The following HIF1AN variants were observed in gnomAD, a reference collection of about 807,000 sequenced individuals.
HIF1AN encodes hypoxia inducible factor 1 subunit alpha inhibitor.
A neutral mutation model predicts 47.7 loss-of-function variants in HIF1AN; 21 were observed. The observed-to-expected ratio is 0.44, with a 90% CI of 0.31 to 0.63. The LOEUF is 0.63. Among genes scored for constraint, HIF1AN ranks in the 30% least tolerant of loss-of-function variants. The probability of loss-of-function intolerance (pLI) is 0.07; values close to 1 mark genes in which losing one functional copy is unlikely to be tolerated. For missense variants in HIF1AN, 320 were observed against 432.7 expected (o/e 0.74, Z 2.31); for synonymous variants, 152 against 155.9 (o/e 0.98, Z 0.18).
chr10:100,545,747 G>T (rs1214570190), intron 4 of HIF1AN, among the ~76,000 whole-genome samples, 196 bp from the exon 5 acceptor site: 1 of 152,136 alleles, frequency 6.6e-6, no homozygotes, highest in African/African-American at 2.4e-5. Flanking sequence ...TTCAAATGTG[G>T]ACTGTCTTAT....
In HIF1AN at chr10:100,536,022, G is replaced by T. The variant is rs974639762; in HGVS notation, c.64G>T (p.Ala22Ser). 1 of 1,592,082 alleles carries T rather than the reference G, an allele frequency of 6.3e-7. No homozygotes were observed. Among genetic ancestry groups the T allele is most frequent in the Non-Finnish European group, 8.5e-7 (1 of 1,170,192 alleles). ...TGGAGAGCCCCGGGAGGAGGCTGGAGCCCTCGGCCCCGCCTGGGATGAATC... is the reference window on the plus strand; with the variant it reads ...TGGAGAGCCCCGGGAGGAGGCTGGATCCCTCGGCCCCGCCTGGGATGAATC... ...GSGEPREEAG[A>S]LGPAWDESQL... is the part of the protein sequence containing the mutation. Residue 22 changes from alanine to serine, a missense_variant, in exon 1 of 8, where the codon GCC becomes TCC. Around this residue, in one of 2 missense-constraint regions of HIF1AN, gnomAD observed 159 missense variants for 159.9 expected, o/e 0.99. Coordinates refer to ENST00000299163, the MANE Select transcript of HIF1AN (RefSeq NM_017902.3).
rs1308667577 is a variant in HIF1AN, at chr10:100,552,969, C to T, written c.*4832C>T. 6.6e-6 allele frequency: 1 copy of T among 152,018 alleles called. No homozygotes were observed. Among genetic ancestry groups the T allele is most frequent in the Non-Finnish European group, 1.5e-5 (1 of 68,096 alleles). 9.4% of individuals were successfully genotyped at this position (152,018 alleles called of 1,614,324 possible). On this transcript the variant is annotated 3_prime_UTR_variant, in exon 8 of 8. Coordinates refer to ENST00000299163, the MANE Select transcript of HIF1AN (RefSeq NM_017902.3). ...TAGGTCATGGATGAATGGAGCCTTG[C>T]TGAGCACTTTGAGGGCATTTCTGTT...
intron 1 of HIF1AN, 29 bp from the exon 2 acceptor site, chr10:100,536,381 TG>T (rs746076403): frequency 6.2e-7 from 1 of 1,608,830 alleles, no homozygotes; most frequent in Non-Finnish European, 8.5e-7. Context: ...TTACTTCATT[TG>T]GTGTTTTTCA....
intron 2 of HIF1AN, among the ~76,000 whole-genome samples, chr10:100,537,234 A>G (rs1414014650): frequency 6.6e-6 from 1 of 152,176 alleles, no homozygotes; most frequent in Non-Finnish European, 1.5e-5. Context: ...TCAGTTTTGG[A>G]GTGCAGTTCT....
At position 100,536,105 on chromosome 10, in the gene HIF1AN, C is replaced by A. The variant is rs915401255; in HGVS notation, c.147C>A (p.Asp49Glu). Residue 49 changes from aspartate (D) to glutamate (E), a missense_variant, in exon 1 of 8, where the codon GAC becomes GAA. Transcript: ENST00000299163. ...CCATTCCGCGTCTGAGTCAGAGCGA[C>A]CCCCGGGCAGAGGAGCTTATTGAGA... Reference protein sequence around the residue: ...TRPIPRLSQSDPRAEELIENE... With the variant: ...TRPIPRLSQSEPRAEELIENE... The A allele has an allele frequency of 6.2e-7, 1 of 1,606,474 alleles. No individual in the cohort carries two copies. The highest frequency in any genetic ancestry group is 8.5e-7 in the Non-Finnish European group (1 of 1,176,500).
At position 100,550,292 on chromosome 10, in the gene HIF1AN, C is replaced by T. The variant is rs1487413984; in HGVS notation, c.*2155C>T. 2.6e-5 allele frequency: 4 copies of T among 152,210 alleles called. No individual in the cohort carries two copies. Among genetic ancestry groups the T allele is most frequent in the African/African-American group, 9.7e-5 (4 of 41,448 alleles). The allele number at this position is 152,210 out of a possible 1,614,324, so 9.4% of individuals were successfully genotyped here. The stretch of plus-strand genomic sequence containing the variant: ...AACCTTCACAGGATTGGCCTTGATC[C>T]TTGGGTAACACAAGAGTGATTCCTG... On this transcript the variant is annotated 3_prime_UTR_variant, in exon 8 of 8. Transcript: ENST00000299163.
At chr10:100,539,371 T>C (rs976984974) in intron 2 of HIF1AN, among the ~76,000 whole-genome samples, 2 of 152,228 alleles carry the variant, frequency 1.3e-5, no homozygotes, top group Non-Finnish European at 2.9e-5. Context: ...AAGTAACTTA[T>C]GACCTTCCTC....
intron 3 of HIF1AN, among the ~76,000 whole-genome samples, chr10:100,541,731 T>C (rs753566137): frequency 2.6e-5 from 4 of 152,202 alleles, no homozygotes; most frequent in South Asian, 2.1e-4. Flanking sequence ...TCAGCTGTTA[T>C]GTGAGTGTGT....
chr10:100,546,348 C>T (rs1232833416), intron 5 of HIF1AN, among the ~76,000 whole-genome samples, 170 bp from the exon 6 acceptor site: 1 of 152,154 alleles, frequency 6.6e-6, no homozygotes, highest in Non-Finnish European at 1.5e-5. Flanking sequence ...CTCTAACCCC[C>T]AAGTGTGTGT....
intron 2 of HIF1AN, 128 bp downstream of exon 2, chr10:100,536,789 A>G (rs1382287547): frequency 9.6e-6 from 10 of 1,044,600 alleles, no homozygotes; most frequent in Admixed American, 4.2e-5. Context: ...ATTCCAGTTG[A>G]AGGAGTAGTC....
intron 3 of HIF1AN, among the ~76,000 whole-genome samples, chr10:100,542,103 A>T (rs779969149): frequency 5.3e-5 from 8 of 152,026 alleles, no homozygotes; most frequent in Non-Finnish European, 1.2e-4. Flanking sequence ...AGGTTAAAAA[A>T]TGGTAGTTTG....
chr10:100,540,812 T>C, intron 3 of HIF1AN, 30 bp downstream of exon 3: 1 of 1,579,306 alleles, frequency 6.3e-7, no homozygotes, highest in Non-Finnish European at 8.6e-7. Flanking sequence ...CAGCATGGCT[T>C]GGAGTCATAT....
At chr10:100,538,711 C>T (rs530037176) in intron 2 of HIF1AN, among the ~76,000 whole-genome samples, 1 of 150,772 alleles carries the variant, frequency 6.6e-6, no homozygotes, top group South Asian at 2.1e-4. Flanking sequence ...GTCTCAGCTA[C>T]TTGGGAGACT....
chr10:100,555,614 T>TA lies in HIF1AN; in HGVS notation c.*7478dup. On this transcript the variant is annotated 3_prime_UTR_variant, in exon 8 of 8. Transcript: ENST00000299163. ...TCCCTAGCTTTGTGGGTGAAGAAGA[T>TA]ACCTCTTTAGCTTGTGCCAACCCAT... The TA allele has an allele frequency of 6.6e-6, 1 of 152,304 alleles. No individual in the cohort carries two copies. The highest frequency in any genetic ancestry group is 1.9e-4 in the East Asian group (1 of 5,198). 9.4% of individuals were successfully genotyped at this position (152,304 alleles called of 1,614,324 possible).
intron 4 of HIF1AN, 80 bp downstream of exon 4, chr10:100,545,176 G>A (rs1026654860): frequency 4.8e-6 from 7 of 1,454,266 alleles, no homozygotes; most frequent in African/African-American, 4.2e-5. Context: ...CCCCTTCCCC[G>A]TAGTGATATG....
Position 100,546,970 on chromosome 10 carries a change from C to T in HIF1AN, c.895-170C>T, listed in dbSNP as rs547647108. On this transcript the variant is annotated intron_variant, in intron 6 of 7. Transcript: ENST00000299163. ...GGCCAGGCTGGTCTCAAACTCCTGACCTCAAGTGATCCACCCGCCTCGGCC... is the reference window on the plus strand; with the variant it reads ...GGCCAGGCTGGTCTCAAACTCCTGATCTCAAGTGATCCACCCGCCTCGGCC... Among the ~76,000 whole-genome samples the T allele has an allele frequency of 4.0e-3, 610 of 152,136 alleles. 3 individuals are homozygous for T. The highest frequency in any genetic ancestry group is 0.014 in the African/African-American group (562 of 41,508).
rs1425002924 is a variant in HIF1AN at position 100,556,412 on chromosome 10, CAG to C, written c.*8277_*8278del. On this transcript the variant is annotated 3_prime_UTR_variant, in exon 8 of 8. Coordinates refer to ENST00000299163, the MANE Select transcript of HIF1AN (RefSeq NM_017902.3). ...GGTTTGTATGAGCCAGCAGCACAGT[CAG>C]AAGGCAAGAAGGAGACCCTGGGATG... 5 of 152,374 alleles carry C rather than the reference CAG, an allele frequency of 3.3e-5. No homozygotes were observed. The highest frequency in any genetic ancestry group is 2.0e-4 in the Admixed American group (3 of 15,296). 9.4% of individuals were successfully genotyped at this position (152,374 alleles called of 1,614,324 possible).
At position 100,548,305 on chromosome 10, in the gene HIF1AN, A is replaced by C. The variant is rs1044318582; in HGVS notation, c.*168A>C. The C allele has an allele frequency of 2.5e-5, 13 of 528,286 alleles. No individual in the cohort carries two copies. The highest frequency in any genetic ancestry group is 3.6e-5 in the Non-Finnish European group (11 of 304,340). The allele number at this position is 528,286 out of a possible 1,614,324, so 32.7% of individuals were successfully genotyped here. On this transcript the variant is annotated 3_prime_UTR_variant, in exon 8 of 8. Transcript: ENST00000299163. ...TTTGGAGCGAGGCAGGGCAGTTGGC[A>C]CTCCACTCCTATTTGGAGGGACTTC...
Position 100,547,180 on chromosome 10 carries a change from C to T in HIF1AN, c.935C>T (p.Ala312Val). Residue 312 changes from alanine to valine, a missense_variant, in exon 7 of 8, where the codon GCT becomes GTT. Physicochemically the swap from Ala to Val is moderately conservative, Grantham distance 64. This residue lies in a region of HIF1AN where 161 missense variants were observed against 272.8 expected (regional missense o/e 0.59). Transcript: ENST00000299163. ...AAGAGAATTGAATATCCTCTCAAAG[C>T]TCATCAGAAAGTGGCCATAATGAGA... ...TPKRIEYPLK[A>V]HQKVAIMRNI... 1 of 1,614,004 alleles carries T rather than the reference C, an allele frequency of 6.2e-7. No homozygotes were observed. The highest frequency in any genetic ancestry group is 8.5e-7 in the Non-Finnish European group (1 of 1,179,920).
Sources: gnomAD v4.1 joint callset for allele counts (sites outside exome capture counted in the v4.1 genomes callset) on GRCh38, gnomAD v4.1.1 for gene constraint, gnomAD v4.1.1 regional missense constraint, MANE v1.5 for transcripts, NCBI Gene and HGNC (gene_info 2026-07-23, HGNC 2026-07-21) for gene names.